TGM5: variants seen among roughly 807,000 people sequenced by gnomAD.
The protein encoded by TGM5 is protein-glutamine gamma-glutamyltransferase 5.
In TGM5, 69 loss-of-function variants were observed where a neutral mutation model predicts 77.2. That is an observed-to-expected ratio of 0.89 (90% CI 0.74 to 1.09). TGM5 has a LOEUF of 1.09. Ranked by LOEUF, TGM5 falls within the 50% of genes least tolerant of loss-of-function variation. The pLI, the probability that TGM5 is intolerant of heterozygous loss-of-function variation, is 0.00. For synonymous variants in TGM5, 346 were observed against 351.8 expected (o/e 0.98, Z 0.18); for missense variants, 842 against 896.5 (o/e 0.94, Z 0.78).
At chr15:43,257,299 A>G (rs747820897) in intron 3 of TGM5, among the ~76,000 whole-genome samples, 1 of 152,238 alleles carries the variant, frequency 6.6e-6, no homozygotes, top group Non-Finnish European at 1.5e-5. Flanking sequence ...GGAATCCCAT[A>G]CCATAGAGAC....
chr15:43,237,122 C>T (rs2142355199), intron 9 of TGM5, among the ~76,000 whole-genome samples: 1 of 152,292 alleles, frequency 6.6e-6, no homozygotes, highest in Admixed American at 6.5e-5. Context: ...CTCAGGTCCA[C>T]TCGGGTATGG....
chr15:43,256,513 C>A, intron 4 of TGM5, 55 bp downstream of exon 4: 1 of 1,358,992 alleles, frequency 7.4e-7, no homozygotes, highest in Non-Finnish European at 1.1e-6. Context: ...GTGCCCTGCT[C>A]CCTCTCCCCA....
At chr15:43,250,269 C>CA (rs1399508271) in intron 6 of TGM5, among the ~76,000 whole-genome samples, 1 of 152,182 alleles carries the variant, frequency 6.6e-6, no homozygotes, top group African/African-American at 2.4e-5. Context: ...CCTGAACACT[C>CA]ACTATAGCCA....
rs28756768 is a variant in TGM5, at chr15:43,239,213, G to C, written c.1055C>G (p.Ala352Gly). Reference sequence around the variant, plus strand: ...GTCCAGCACCTGCCAGCCTCCATATGCAGGGGGCAGATCCTTCCGGGCCAT... The same window carrying C: ...GTCCAGCACCTGCCAGCCTCCATATCCAGGGGGCAGATCCTTCCGGGCCAT... Reference protein sequence around the residue: ...CWMARKDLPPAYGGWQVLDAT... With the variant: ...CWMARKDLPPGYGGWQVLDAT... Residue 352 changes from alanine to glycine, a missense_variant, in exon 8 of 13, where the codon GCA becomes GGA. Transcript: ENST00000220420. 0.12 allele frequency: 200,609 copies of C among 1,613,970 alleles called. 17,875 individuals carry two copies. Among genetic ancestry groups the C allele is most frequent in the African/African-American group, 0.46 (34,308 of 74,908 alleles).
At chr15:43,261,074 G>GTTTTTTTTTTTTTT (rs1387299009) in intron 1 of TGM5, among the ~76,000 whole-genome samples, 2 of 73,868 alleles carry the variant, frequency 2.7e-5, no homozygotes, top group African/African-American at 4.3e-5. Context: ...TTTTGTGTGT[G>GTTTTTTTTTTTTTT]TGTTTTTTTT....
chr15:43,243,412 A>G (rs2042652005), intron 6 of TGM5, among the ~76,000 whole-genome samples: 1 of 152,192 alleles, frequency 6.6e-6, no homozygotes, highest in African/African-American at 2.4e-5. Context: ...ATAAGCTTTG[A>G]GTGGTGATGG....
intron 9 of TGM5, among the ~76,000 whole-genome samples, chr15:43,236,321 A>T (rs1049755380): frequency 6.6e-6 from 1 of 152,208 alleles, no homozygotes; most frequent in South Asian, 2.1e-4. Flanking sequence ...GAGCCAGATT[A>T]TTGGTCAGGC....
At chr15:43,253,940 C>T (rs1180524969) in intron 4 of TGM5, among the ~76,000 whole-genome samples, 3 of 150,750 alleles carry the variant, frequency 2.0e-5, no homozygotes, top group Non-Finnish European at 4.4e-5. Context: ...GGCTCCTCCT[C>T]TCCTCTCAGT....
rs374954839 is a variant in TGM5, at chr15:43,264,394, AATAG to A, written c.10+2442_10+2445del. ...CAACACAATTGTCCATCAACTGAAG[AATAG>A]ATAAACAAAATGATATACAAAGGAA... On this transcript the variant is annotated intron_variant, in intron 1 of 12. Transcript: ENST00000220420. 4.7e-3 allele frequency among the ~76,000 whole-genome samples: 719 copies of A among 152,354 alleles called. 19 individuals are homozygous for A. The highest frequency in any genetic ancestry group is 0.036 in the South Asian group (176 of 4,828).
chr15:43,263,961 C>G (rs189248779), intron 1 of TGM5, among the ~76,000 whole-genome samples: 1 of 152,230 alleles, frequency 6.6e-6, no homozygotes, highest in Non-Finnish European at 1.5e-5. Flanking sequence ...ATTCATATAA[C>G]TCTACAATAA....
Position 43,260,432 on chromosome 15 carries a change from C to A in TGM5, c.158G>T (p.Gly53Val). 2 of 1,614,196 alleles carry A rather than the reference C, an allele frequency of 1.2e-6. No homozygotes were observed. Among genetic ancestry groups the A allele is most frequent in the Non-Finnish European group, 1.7e-6 (2 of 1,180,042 alleles). ...AACCACGAAGATGATGTTGTCCAGGCCTGGCTGGAAGCTCCGGTTCCTGAA... is the reference window on the plus strand; with the variant it reads ...AACCACGAAGATGATGTTGTCCAGGACTGGCTGGAAGCTCCGGTTCCTGAA... Reference protein sequence around the residue: ...LYFRNRSFQPGLDNIIFVVET... With the variant: ...LYFRNRSFQPVLDNIIFVVET... The change falls in exon 2 of 13, where the codon GGC becomes GTC. Residue 53 changes from glycine (G) to valine (V), a missense_variant. This residue lies in a region of TGM5 where 815 missense variants were observed against 844.6 expected (regional missense o/e 0.96). Transcript: ENST00000220420.
chr15:43,262,639 G>T (rs1402964075), intron 1 of TGM5, among the ~76,000 whole-genome samples: 2 of 152,134 alleles, frequency 1.3e-5, no homozygotes, highest in African/African-American at 4.8e-5. Flanking sequence ...ACAAAAGTTA[G>T]CCGGGCGTGG....
At chr15:43,261,088 T>G (rs28505576) in intron 1 of TGM5, among the ~76,000 whole-genome samples, 1,902 of 116,800 alleles carry the variant, frequency 0.016, 177 homozygotes, top group African/African-American at 0.057. Flanking sequence ...TTTTTTTTTT[T>G]TTTTTTTTTT....
At chr15:43,239,450 G>A in intron 7 of TGM5, 184 bp from the exon 8 acceptor site, 3 of 664,728 alleles carry the variant, frequency 4.5e-6, no homozygotes, top group South Asian at 1.7e-5. Context: ...GGGAGTCTGA[G>A]GTGAGAGGAT....
intron 11 of TGM5, 95 bp from the exon 12 acceptor site, chr15:43,233,782 C>T: frequency 6.9e-7 from 1 of 1,447,666 alleles, no homozygotes; most frequent in Non-Finnish European, 9.6e-7. Flanking sequence ...GCAGGATATG[C>T]CACCTCCAAA....
Position 43,260,147 on chromosome 15 carries a change from C to A in TGM5, c.341G>T (p.Arg114Leu). The A allele has an allele frequency of 6.2e-7, 1 of 1,614,132 alleles. No homozygotes were observed. The highest frequency in any genetic ancestry group is 8.5e-7 in the Non-Finnish European group (1 of 1,180,034). Residue 114 changes from arginine to leucine, a missense_variant, in exon 3 of 13, where the codon CGG (arginine) becomes CTG (leucine). Arg to Leu is a moderately radical substitution (Grantham distance 102, BLOSUM62 -2). Coordinates refer to ENST00000220420, the MANE Select transcript of TGM5 (RefSeq NM_201631.4). The stretch of plus-strand genomic sequence containing the variant: ...GTCGATGTGGATTTTCAAGAGGTAC[C>A]GACCCACGGCCGCCGTGGGAGGAGC... The part of the protein sequence containing the change: ...LCAPPTAAVG[R>L]YLLKIHIDSF...
At chr15:43,240,116 A>G (rs901942430) in intron 7 of TGM5, among the ~76,000 whole-genome samples, 3 of 152,156 alleles carry the variant, frequency 2.0e-5, no homozygotes, top group Non-Finnish European at 4.4e-5. Flanking sequence ...AAACCTAAAA[A>G]TATTACCCTA....
rs565449365 is a variant in TGM5 at position 43,244,101 on chromosome 15, G to A, written c.863-3111C>T. On this transcript the variant is annotated intron_variant, in intron 6 of 12. Transcript: ENST00000220420. ...TCAGTCTCAATGCACCTTCCTCTGTGAAGTTTTCACCAATGACTCCACACC... is the reference window on the plus strand; with the variant it reads ...TCAGTCTCAATGCACCTTCCTCTGTAAAGTTTTCACCAATGACTCCACACC... Among the ~76,000 whole-genome samples the A allele has an allele frequency of 1.5e-4, 23 of 152,242 alleles. 1 individual carries two copies. The South Asian group carries it at 4.6e-3, about 30-fold the overall frequency.
At chr15:43,248,696 C>T (rs116158709) in intron 6 of TGM5, among the ~76,000 whole-genome samples, 1,641 of 152,224 alleles carry the variant, frequency 0.011, 36 homozygotes, top group African/African-American at 0.038. Flanking sequence ...GTGTTTAGTC[C>T]AGGGCACTGC....
Sources: allele counts gnomAD v4.1 joint callset (sites outside exome capture counted in the v4.1 genomes callset), GRCh38; gene constraint gnomAD v4.1.1; regional missense constraint gnomAD v4.1.1; transcripts MANE v1.5; gene names NCBI Gene and HGNC (gene_info 2026-07-23, HGNC 2026-07-21).